Variants in ROBO2 observed in about 807,000 individuals in gnomAD.
ROBO2 encodes the protein roundabout homolog 2.
In ROBO2, 53 loss-of-function variants were observed where a neutral mutation model predicts 160.8. That is an observed-to-expected ratio of 0.33 (90% CI 0.26 to 0.41). The LOEUF (loss-of-function observed/expected upper bound fraction) is 0.41. Ranked by LOEUF, ROBO2 falls within the 10% of genes least tolerant of loss-of-function variation. The pLI, the probability that ROBO2 is intolerant of heterozygous loss-of-function variation, is 1.00. For missense variants in ROBO2, 1,577 were observed against 1,722.4 expected (o/e 0.92, Z 1.49); for synonymous variants, 664 against 611.7 (o/e 1.09, Z -1.26).
chr3:76,413,971 G>T (rs1338083418), intron 2 of ROBO2, among the ~76,000 whole-genome samples: 1 of 152,142 alleles, frequency 6.6e-6, no homozygotes. Flanking sequence ...GTTCCACATG[G>T]CTGGGGAGGC....
At chr3:76,004,237 A>G (rs746919061) in intron 2 of ROBO2, among the ~76,000 whole-genome samples, 1 of 152,234 alleles carries the variant, frequency 6.6e-6, no homozygotes, top group Non-Finnish European at 1.5e-5. Flanking sequence ...AACAGCATGA[A>G]TAAATCTCCA....
At chr3:77,267,439 C>T (rs1200430102) in intron 2 of ROBO2, among the ~76,000 whole-genome samples, 1 of 152,130 alleles carries the variant, frequency 6.6e-6, no homozygotes, top group Non-Finnish European at 1.5e-5. Flanking sequence ...CAGTTTCTTA[C>T]AGGTATTCGC....
intron 2 of ROBO2, among the ~76,000 whole-genome samples, chr3:76,212,090 G>T (rs1444237017): frequency 1.3e-5 from 2 of 151,672 alleles, no homozygotes; most frequent in African/African-American, 2.4e-5. Context: ...TTGAAAAAAA[G>T]GAATTATTCA....
chr3:77,481,402 T>A (rs950360587), intron 4 of ROBO2, among the ~76,000 whole-genome samples, 183 bp downstream of exon 4: 5 of 152,142 alleles, frequency 3.3e-5, no homozygotes, highest in African/African-American at 9.7e-5. Context: ...AAAGAAAAAA[T>A]TATTTGAAAC....
chr3:77,048,904 A>T (rs1429111355), intron 1 of ROBO2, among the ~76,000 whole-genome samples: 1 of 152,162 alleles, frequency 6.6e-6, no homozygotes, highest in Non-Finnish European at 1.5e-5. Context: ...TTGCCTTAGA[A>T]CCTTACCAAA....
intron 2 of ROBO2, among the ~76,000 whole-genome samples, chr3:77,012,955 C>T (rs2062008403): frequency 6.6e-6 from 1 of 152,038 alleles, no homozygotes; most frequent in Non-Finnish European, 1.5e-5. Flanking sequence ...GTATGATTTC[C>T]GTTTCTTCAA....
In ROBO2 at chr3:76,675,784, G is replaced by A. The variant is rs2092392618; in HGVS notation, c.110-422230G>A. Among the ~76,000 whole-genome samples, 4 of 152,096 alleles carry A rather than the reference G, an allele frequency of 2.6e-5. No homozygotes were observed. In the South Asian group the frequency reaches 8.3e-4, roughly 32 times the overall value. Reference sequence around the variant, plus strand: ...GTCTCAGAATTTAAACACGTTAAGAGGATTTTTTTCTTAATATTCCAAATG... The same window carrying A: ...GTCTCAGAATTTAAACACGTTAAGAAGATTTTTTTCTTAATATTCCAAATG... On this transcript the variant is annotated intron_variant, in intron 2 of 26. Transcript: ENST00000487694.
At chr3:76,518,618 C>A (rs2107843543) in intron 2 of ROBO2, among the ~76,000 whole-genome samples, 1 of 152,218 alleles carries the variant, frequency 6.6e-6, no homozygotes, top group Admixed American at 6.5e-5. Context: ...GGTTTTACCT[C>A]TTTAAATTTC....
At chr3:75,968,794 T>TG in intron 2 of ROBO2, among the ~76,000 whole-genome samples, 1 of 15,486 alleles carries the variant, frequency 6.5e-5, no homozygotes, top group South Asian at 4.3e-3. Context: ...ACTTGGCTTG[T>TG]TTTAGATAGT....
intron 2 of ROBO2, among the ~76,000 whole-genome samples, chr3:77,457,997 A>T (rs1406390546): frequency 6.6e-6 from 1 of 152,186 alleles, no homozygotes; most frequent in East Asian, 1.9e-4. Flanking sequence ...ATTATGCAAA[A>T]CCATGATAAT....
intron 2 of ROBO2, among the ~76,000 whole-genome samples, chr3:76,486,380 G>A (rs746990978): frequency 4.6e-5 from 7 of 152,026 alleles, no homozygotes; most frequent in African/African-American, 1.7e-4. Context: ...CGGTGGTTAC[G>A]CAGAGGGATT....
At chr3:76,338,490 G>A (rs868185454) in intron 2 of ROBO2, among the ~76,000 whole-genome samples, 18 of 151,828 alleles carry the variant, frequency 1.2e-4, no homozygotes, top group Middle Eastern at 3.4e-3. Context: ...CAGCCTGGGC[G>A]TCATAAGAAT....
At chr3:77,570,929 G>A (rs1220441035) in intron 13 of ROBO2, among the ~76,000 whole-genome samples, 1 of 151,890 alleles carries the variant, frequency 6.6e-6, no homozygotes, top group Non-Finnish European at 1.5e-5. Flanking sequence ...TTCTCACCAG[G>A]CTAAACTTGA....
intron 2 of ROBO2, among the ~76,000 whole-genome samples, chr3:77,385,868 A>G (rs980348860): frequency 2.0e-5 from 3 of 152,214 alleles, no homozygotes; most frequent in African/African-American, 7.2e-5. Context: ...GAACACAGTT[A>G]TCCTAACACT....
At chr3:77,551,467 G>T (rs2092918796) in intron 8 of ROBO2, among the ~76,000 whole-genome samples, 1 of 152,004 alleles carries the variant, frequency 6.6e-6, no homozygotes, top group Non-Finnish European at 1.5e-5. Flanking sequence ...ACCTTTCAAA[G>T]TGCTGAACAA....
chr3:75,962,242 C>T (rs1281343212), intron 2 of ROBO2, among the ~76,000 whole-genome samples: 1 of 151,566 alleles, frequency 6.6e-6, no homozygotes, highest in Non-Finnish European at 1.5e-5. Context: ...TCATCAGAAA[C>T]AATGATAGTC....
intron 1 of ROBO2, among the ~76,000 whole-genome samples, chr3:77,071,121 A>G (rs1443061699): frequency 6.6e-6 from 1 of 152,166 alleles, no homozygotes; most frequent in Non-Finnish European, 1.5e-5. Flanking sequence ...TGTTTCTCGC[A>G]GTCTCTTTAC....
intron 2 of ROBO2, among the ~76,000 whole-genome samples, chr3:76,036,154 C>T (rs1201841694): frequency 1.3e-5 from 2 of 151,716 alleles, no homozygotes; most frequent in African/African-American, 4.9e-5. Context: ...AAGAAATTGG[C>T]TCACTTTTTT....
chr3:76,837,067 A>T (rs1159998199), intron 2 of ROBO2, among the ~76,000 whole-genome samples: 1 of 151,908 alleles, frequency 6.6e-6, no homozygotes, highest in Non-Finnish European at 1.5e-5. Context: ...CATGTCATGA[A>T]TTACCAAGTT....
Sources: allele counts gnomAD v4.1 joint callset (sites outside exome capture counted in the v4.1 genomes callset), GRCh38; gene constraint gnomAD v4.1.1; transcripts MANE v1.5; gene names NCBI Gene and HGNC (gene_info 2026-07-23, HGNC 2026-07-21).